Variants in ZNF335 observed in about 807,000 individuals in gnomAD.
ZNF335 encodes the protein NRC-interacting factor 1.
In ZNF335, 84 loss-of-function variants were observed where a neutral mutation model predicts 145.6. The ratio of observed to expected loss-of-function variants is 0.58; its 90% CI spans 0.48 to 0.69. The LOEUF is 0.69. Among genes scored for constraint, ZNF335 ranks in the 30% least tolerant of loss-of-function variants. The pLI, the probability that ZNF335 is intolerant of heterozygous loss-of-function variation, is 0.00. For synonymous variants in ZNF335, 761 were observed against 717.0 expected (o/e 1.06, Z -0.98); for missense variants, 1,865 against 1,809.7 (o/e 1.03, Z -0.55).
intron 7 of ZNF335, 126 bp downstream of exon 7, chr20:45,965,502 A>T: frequency 8.7e-7 from 1 of 1,148,904 alleles, no homozygotes; most frequent in Non-Finnish European, 1.2e-6. Flanking sequence ...GGAGGCCTGC[A>T]GGTGACCCGG....
chr20:45,957,675 C>T lies in ZNF335; in HGVS notation c.2353G>A (p.Glu785Lys). The change falls in exon 17 of 28, where the codon GAG becomes AAG. Residue 785 changes from glutamate to lysine, a missense_variant. Coordinates refer to ENST00000322927, the MANE Select transcript of ZNF335 (RefSeq NM_022095.4). ...GATIIYQQGA[E>K]ESTAMATQTA... ...TGCGTGGCCATCGCTGTCGACTCCT[C>T]AGCTCCTGGGTGGGGTGGGACCTAA... is the stretch of plus-strand genomic sequence containing the variant. 11 of 1,614,146 alleles carry T rather than the reference C, an allele frequency of 6.8e-6. No individual in the cohort carries two copies. Among genetic ancestry groups the T allele is most frequent in the Non-Finnish European group, 8.5e-6 (10 of 1,180,016 alleles).
In ZNF335 at chr20:45,963,608, C is replaced by A; in HGVS notation, c.1398G>T (p.Leu466=). ...GAAAGCGAGAACCACAGATGCGGCA[C>A]AGGAAGGGCCTCAAAAGTGGTTTGG... ...KSPKPLLRPF[L]CRICGSRFLS... The change falls in exon 9 of 28, where the codon CTG becomes CTT. Residue 466 remains leucine (L), a synonymous_variant. Coordinates refer to ENST00000322927, the MANE Select transcript of ZNF335 (RefSeq NM_022095.4). 1.9e-6 allele frequency: 3 copies of A among 1,614,234 alleles called. No homozygotes were observed. Among genetic ancestry groups the A allele is most frequent in the Non-Finnish European group, 2.5e-6 (3 of 1,180,048 alleles).
intron 24 of ZNF335, 65 bp from the exon 25 acceptor site, chr20:45,949,633 T>C: frequency 6.6e-7 from 1 of 1,518,926 alleles, no homozygotes; most frequent in South Asian, 1.2e-5. Flanking sequence ...GGAGCTTAGC[T>C]AAGAAGGCAG....
Position 45,969,561 on chromosome 20 carries a change from G to A in ZNF335, c.332C>T (p.Ala111Val), listed in dbSNP as rs2084019444. ...GGPPALVHSS[A>V]LPDPNMLVSD... is the part of the protein sequence containing the mutation. ...CACCAGCATGTTGGGGTCTGGGAGT[G>A]CACTAGAGTGCACAAGTGCTGGGGG... Residue 111 changes from alanine (A) to valine (V), a missense_variant, in exon 3 of 28, where the codon GCA (alanine) becomes GTA (valine). Ala to Val is a moderately conservative substitution (Grantham distance 64). Coordinates refer to ENST00000322927, the MANE Select transcript of ZNF335 (RefSeq NM_022095.4). 1.2e-6 allele frequency: 2 copies of A among 1,602,044 alleles called. No homozygotes were observed. Among genetic ancestry groups the A allele is most frequent in the South Asian group, 1.1e-5 (1 of 90,766 alleles).
At chr20:45,965,860 C>A in intron 6 of ZNF335, 86 bp from the exon 7 acceptor site, 1 of 1,439,234 alleles carries the variant, frequency 6.9e-7, no homozygotes, top group Non-Finnish European at 9.2e-7. Flanking sequence ...ACTTCCCTAC[C>A]CCTGCATACT....
At position 45,963,565 on chromosome 20, in the gene ZNF335, G is replaced by GC; in HGVS notation, c.1440dup (p.Arg481AlafsTer8). 1 of 1,614,218 alleles carries GC rather than the reference G, an allele frequency of 6.2e-7. No individual in the cohort carries two copies. The highest frequency in any genetic ancestry group is 8.5e-7 in the Non-Finnish European group (1 of 1,180,044). The stretch of plus-strand genomic sequence containing the variant: ...GCCTCATGGGAGTTGACGTGGAAGC[G>GC]CAGGTCCTCGTGGGACAGAAAGCGA... On this transcript the variant is annotated frameshift_variant, in exon 9 of 28. Transcript: ENST00000322927. LOFTEE classifies it high-confidence loss of function.
In ZNF335 at chr20:45,949,532, G is replaced by A; in HGVS notation, c.3706C>T (p.Leu1236=). Residue 1236 remains leucine, a synonymous_variant, in exon 25 of 28, where the codon CTG becomes TTG. Coordinates refer to ENST00000322927, the MANE Select transcript of ZNF335 (RefSeq NM_022095.4). ...ACCACAACATATTCCTGGGGGAGCA[G>A]GTGCTGGACACCATCCTGGGAGATG... The part of the protein sequence containing the change: ...YIISQDGVQH[L]LPQEYVVVPE... 6.2e-7 allele frequency: 1 copy of A among 1,613,248 alleles called. No individual in the cohort carries two copies. The highest frequency in any genetic ancestry group is 1.3e-5 in the African/African-American group (1 of 74,990).
Position 45,965,704 on chromosome 20 carries a change from G to A in ZNF335, c.1026C>T (p.Pro342=), listed in dbSNP as rs1037746297. 1 of 1,604,526 alleles carries A rather than the reference G, an allele frequency of 6.2e-7. No homozygotes were observed. The highest frequency in any genetic ancestry group is 1.4e-5 in the African/African-American group (1 of 73,982). Residue 342 remains proline (P), a synonymous_variant, in exon 7 of 28, where the codon CCC becomes CCT. Coordinates refer to ENST00000322927, the MANE Select transcript of ZNF335 (RefSeq NM_022095.4). Reference sequence around the variant, plus strand: ...GTCTCCTTCGGGGCCTTGGGGTACTGGGGGTGGGGCGCTGGAGCCGAAGCT... The same window carrying A: ...GTCTCCTTCGGGGCCTTGGGGTACTAGGGGTGGGGCGCTGGAGCCGAAGCT... ...GRQLRLQRPT[P]STPRPRRRPG... is the part of the protein sequence containing the mutation.
At chr20:45,956,315 G>A (rs6032601) in intron 17 of ZNF335, among the ~76,000 whole-genome samples, 32,746 of 151,010 alleles carry the variant, frequency 0.22, 4,114 homozygotes, top group African/African-American at 0.35. Flanking sequence ...CGTAACCTCC[G>A]CCTCCTGGGT....
In ZNF335 at chr20:45,949,004, C is replaced by G; in HGVS notation, c.3978G>C (p.Gln1326His). The G allele has an allele frequency of 6.2e-7, 1 of 1,613,956 alleles. No homozygotes were observed. Reference protein sequence around the residue: ...TDETVPEHIQQLQHQGIEYDV... With the variant: ...TDETVPEHIQHLQHQGIEYDV... ...CGTACTCGATGCCCTGGTGCTGCAGCTGTTGAATGTGTTCGGGCACTGTCT... is the reference window on the plus strand; with the variant it reads ...CGTACTCGATGCCCTGGTGCTGCAGGTGTTGAATGTGTTCGGGCACTGTCT... Residue 1326 changes from glutamine to histidine, a missense_variant, in exon 28 of 28, where the codon CAG (glutamine) becomes CAC (histidine). Transcript: ENST00000322927.
intron 17 of ZNF335, 23 bp from the exon 18 acceptor site, chr20:45,953,971 G>A (rs2083681111): frequency 9.6e-6 from 15 of 1,558,204 alleles, no homozygotes; most frequent in African/African-American, 2.7e-5. Context: ...CAGGGGGCGG[G>A]ATGGGAGGCA....
chr20:45,952,460 C>A lies in ZNF335; in HGVS notation c.2876G>T (p.Trp959Leu), dbSNP rs2083651637. 1 of 1,562,384 alleles carries A rather than the reference C, an allele frequency of 6.4e-7. No homozygotes were observed. The highest frequency in any genetic ancestry group is 1.2e-5 in the South Asian group (1 of 82,494). The change falls in exon 20 of 28, where the codon TGG becomes TTG. Residue 959 changes from tryptophan to leucine, a missense_variant. Trp to Leu is a moderately conservative substitution (Grantham distance 61, BLOSUM62 -2). Transcript: ENST00000322927. ...CAGTCCCCCACACTGCAGCAGGGGC[C>A]ATTTGGCACCAGAGGCCAGAGCATC... ...SPDALASGAK[W>L]PLLQCGGLPR...
At chr20:45,964,784 C>T (rs1051283905) in intron 7 of ZNF335, among the ~76,000 whole-genome samples, 15 of 152,166 alleles carry the variant, frequency 9.9e-5, no homozygotes, top group Admixed American at 2.0e-4. Context: ...CGCCTGTAAT[C>T]CCAGCACTTT....
intron 20 of ZNF335, among the ~76,000 whole-genome samples, chr20:45,951,226 G>A (rs1269944048): frequency 2.0e-5 from 3 of 152,230 alleles, no homozygotes; most frequent in East Asian, 3.8e-4. Context: ...GGCCTGATAG[G>A]GCGTTCACCT....
At chr20:45,956,235 CTT>C (rs748891893) in intron 17 of ZNF335, among the ~76,000 whole-genome samples, 11 of 142,970 alleles carry the variant, frequency 7.7e-5, no homozygotes, top group African/African-American at 5.1e-5. Flanking sequence ...TTCTTTTTTT[CTT>C]TTTTTTTTTT....
At chr20:45,968,438 T>G (rs1459218972) in intron 3 of ZNF335, 76 bp from the exon 4 acceptor site, 5 of 1,419,370 alleles carry the variant, frequency 3.5e-6, no homozygotes. Flanking sequence ...TGGGCCCCAC[T>G]TTGGCCTGTG....
intron 10 of ZNF335, among the ~76,000 whole-genome samples, chr20:45,961,296 C>A (rs1309289281): frequency 6.6e-6 from 1 of 152,094 alleles, no homozygotes; most frequent in Non-Finnish European, 1.5e-5. Context: ...AAGGCTGAAG[C>A]AGAAAGATCG....
chr20:45,964,078 T>C, intron 7 of ZNF335, 88 bp from the exon 8 acceptor site: 1 of 1,463,714 alleles, frequency 6.8e-7, no homozygotes. Context: ...CAAAATATCC[T>C]CCCACCCACT....
Position 45,965,721 on chromosome 20 carries a change from GC to G in ZNF335, c.1008del (p.Leu337SerfsTer38). On this transcript the variant is annotated frameshift_variant, in exon 7 of 28. Transcript: ENST00000322927. LOFTEE classifies it high-confidence loss of function. ...AEDEPRGRQL[R>X]LQRPTPSTPR... ...GGGGTACTGGGGGTGGGGCGCTGGA[GC>G]CGAAGCTGCCGGCCTCGGGGCTCAT... The G allele has an allele frequency of 6.2e-7, 1 of 1,606,828 alleles. No individual in the cohort carries two copies. Among genetic ancestry groups the G allele is most frequent in the Non-Finnish European group, 8.5e-7 (1 of 1,177,012 alleles).
Sources: allele counts gnomAD v4.1 joint callset (sites outside exome capture counted in the v4.1 genomes callset), GRCh38; gene constraint gnomAD v4.1.1; transcripts MANE v1.5; gene names NCBI Gene and HGNC (gene_info 2026-07-23, HGNC 2026-07-21).